Variants in HSD17B12 observed in about 807,000 individuals in gnomAD.
HSD17B12 encodes the protein hydroxysteroid 17-beta dehydrogenase 12.
HSD17B12 carries 32 observed loss-of-function variants against 39.3 expected under a neutral mutation model. That is an observed-to-expected ratio of 0.81 (90% confidence interval 0.61 to 1.09). HSD17B12 has a LOEUF of 1.09. HSD17B12 is among the 50% of genes least tolerant of loss of function. The pLI is 0.00. For missense variants in HSD17B12, 342 were observed against 382.9 expected (o/e 0.89, Z 0.89); for synonymous variants, 150 against 146.7 (o/e 1.02, Z -0.16).
chr11:43,810,447 AAC>A (rs1208688282), intron 4 of HSD17B12, among the ~76,000 whole-genome samples: 16 of 148,818 alleles, frequency 1.1e-4, no homozygotes, highest in Middle Eastern at 3.6e-3. Context: ...TTTAAAATGC[AAC>A]ACATAATGAT....
chr11:43,791,616 C>T (rs1463670031), intron 3 of HSD17B12, among the ~76,000 whole-genome samples: 2 of 151,936 alleles, frequency 1.3e-5, no homozygotes, highest in Non-Finnish European at 2.9e-5. Context: ...CTTCTGTTGA[C>T]CTTTTGTTTA....
At chr11:43,662,524 A>G in the HSD17B12 span, among the ~76,000 whole-genome samples, 9 of 151,012 alleles carry the variant, frequency 6.0e-5, no homozygotes, top group Admixed American at 4.6e-4. Context: ...CACATCTCAA[A>G]AAAAAAAAAA....
intron 3 of HSD17B12, among the ~76,000 whole-genome samples, chr11:43,773,332 C>T (rs1317694842): frequency 6.6e-6 from 1 of 152,128 alleles, no homozygotes; most frequent in Non-Finnish European, 1.5e-5. Context: ...TAACTTTAAA[C>T]TCCTGGGCGC....
intron 1 of HSD17B12, among the ~76,000 whole-genome samples, chr11:43,711,048 T>C (rs1329730791): frequency 6.6e-6 from 1 of 152,128 alleles, no homozygotes; most frequent in African/African-American, 2.4e-5. Context: ...CCACCTTAGC[T>C]TCCCAAAGTG....
chr11:43,819,055 G>A (rs1951156903), intron 6 of HSD17B12, among the ~76,000 whole-genome samples: 1 of 152,118 alleles, frequency 6.6e-6, no homozygotes, highest in South Asian at 2.1e-4. Flanking sequence ...ATGTACATGT[G>A]TTTCATAATA....
chr11:43,685,469 T>A (rs1949790007), intron 1 of HSD17B12, among the ~76,000 whole-genome samples: 1 of 152,250 alleles, frequency 6.6e-6, no homozygotes, highest in Admixed American at 6.5e-5. Flanking sequence ...TATGAAATGT[T>A]AGTTATTTAA....
At chr11:43,704,475 A>G (rs560942897) in intron 1 of HSD17B12, among the ~76,000 whole-genome samples, 12 of 152,318 alleles carry the variant, frequency 7.9e-5, no homozygotes, top group African/African-American at 2.6e-4. Flanking sequence ...TGATTTCCAC[A>G]TGGTCTCCTC....
the HSD17B12 span, among the ~76,000 whole-genome samples, chr11:43,597,021 G>A: frequency 1.3e-5 from 2 of 152,222 alleles, no homozygotes; most frequent in African/African-American, 4.8e-5. Context: ...GAAGTGCCTG[G>A]CACCTACAGT....
chr11:43,811,247 C>A (rs1004961967), intron 4 of HSD17B12, among the ~76,000 whole-genome samples: 5 of 152,138 alleles, frequency 3.3e-5, no homozygotes, highest in Non-Finnish European at 7.4e-5. Context: ...TATTTGAGAG[C>A]AACAGTTTTT....
At chr11:43,833,463 AG>A (rs1951334518) in intron 7 of HSD17B12, 1 of 152,182 alleles carries the variant, frequency 6.6e-6, no homozygotes, top group African/African-American at 2.4e-5. Context: ...GATGGTTTTA[AG>A]GGAAGTTTCA....
intron 1 of HSD17B12, among the ~76,000 whole-genome samples, chr11:43,690,397 TATATATA>T (rs1329737037): frequency 2.0e-4 from 8 of 40,414 alleles, no homozygotes; most frequent in Admixed American, 5.4e-4. Flanking sequence ...TATATATATA[TATATATA>T]TTTTTTTTTT....
At position 43,680,754 on chromosome 11, in the gene HSD17B12, C is replaced by G; in HGVS notation, c.-74C>G. On this transcript the variant is annotated 5_prime_UTR_variant, in exon 1 of 11. Transcript: ENST00000278353. ...CCTATTAGTGTCATCCTCACCGTCA[C>G]GGCCGGCGCCTCCTCCTGGATTCAT... 2.2e-6 allele frequency: 3 copies of G among 1,376,612 alleles called. No homozygotes were observed. The highest frequency in any genetic ancestry group is 1.9e-4 in the Middle Eastern group (1 of 5,404). The allele number at this position is 1,376,612 out of a possible 1,614,324, so 85.3% of individuals were successfully genotyped here. A position where few individuals can be genotyped will look rare whatever the true frequency, so the allele number is the denominator to read the frequency against.
chr11:43,708,604 G>C (rs1565057479), intron 1 of HSD17B12, among the ~76,000 whole-genome samples: 1 of 152,174 alleles, frequency 6.6e-6, no homozygotes, highest in Non-Finnish European at 1.5e-5. Flanking sequence ...CATTCTCATG[G>C]AGATGTCTTA....
chr11:43,670,965 T>G, the HSD17B12 span, among the ~76,000 whole-genome samples: 3 of 152,026 alleles, frequency 2.0e-5, no homozygotes, highest in African/African-American at 7.3e-5. Flanking sequence ...GTAGCTAGAA[T>G]TTTTAGAAAA....
At chr11:43,755,518 T>A (rs1370073646) in intron 3 of HSD17B12, 2 of 152,232 alleles carry the variant, frequency 1.3e-5, no homozygotes, top group African/African-American at 4.8e-5. Flanking sequence ...GAAAATAAAA[T>A]GATTACCATG....
the HSD17B12 span, among the ~76,000 whole-genome samples, chr11:43,572,332 C>T: frequency 2.0e-5 from 3 of 152,146 alleles, no homozygotes; most frequent in South Asian, 4.2e-4. Flanking sequence ...GGCATCTATT[C>T]GCTAACAGGC....
At chr11:43,580,385 G>C in the HSD17B12 span, among the ~76,000 whole-genome samples, 4 of 138,872 alleles carry the variant, frequency 2.9e-5, no homozygotes, top group Admixed American at 1.4e-4. Context: ...TGGGGGCGGG[G>C]GGGTGGGCTG....
chr11:43,735,892 T>G (rs894238995), intron 1 of HSD17B12, among the ~76,000 whole-genome samples: 14 of 152,168 alleles, frequency 9.2e-5, no homozygotes, highest in Admixed American at 8.5e-4. Flanking sequence ...GAGGGGGAAC[T>G]GCCACACGCT....
chr11:43,754,947 TA>T, intron 3 of HSD17B12: 1 of 744,958 alleles, frequency 1.3e-6, no homozygotes. Context: ...ACCAGATGGA[TA>T]AACCAATGCT....
Sources: allele counts gnomAD v4.1 joint callset (sites outside exome capture counted in the v4.1 genomes callset), GRCh38; gene constraint gnomAD v4.1.1; transcripts MANE v1.5; gene names NCBI Gene and HGNC (gene_info 2026-07-23, HGNC 2026-07-21).